GTF2H5: variants seen among roughly 807,000 people sequenced by gnomAD.
GTF2H5 encodes general transcription factor IIH subunit 5.
Under a neutral mutation model 7.1 loss-of-function variants are expected in GTF2H5, and 5 were observed. The observed-to-expected ratio is 0.71, with a 90% CI of 0.37 to 1.49. GTF2H5 has a LOEUF of 1.49. Among genes scored for constraint, GTF2H5 ranks in the 40% most tolerant of loss-of-function variants. The probability of loss-of-function intolerance (pLI) is 0.03; values close to 1 mark genes in which losing one functional copy is unlikely to be tolerated. For missense variants in GTF2H5, 80 were observed against 83.0 expected (o/e 0.96, Z 0.14); for synonymous variants, 30 against 31.7 (o/e 0.95, Z 0.18).
In GTF2H5 at chr6:158,196,245, G is replaced by T. The variant is rs1180008057; in HGVS notation, c.*4088G>T. On this transcript the variant is annotated 3_prime_UTR_variant, in exon 3 of 3. Coordinates refer to ENST00000607778, the MANE Select transcript of GTF2H5 (RefSeq NM_207118.3). The stretch of plus-strand genomic sequence containing the variant: ...TGCAGTGAGCCGAGATCGTGCCACT[G>T]CACTCCAGCCGGGGTGACAGAGCGA... 6.6e-6 allele frequency: 1 copy of T among 152,266 alleles called. No individual in the cohort carries two copies. Among genetic ancestry groups the T allele is most frequent in the Non-Finnish European group, 1.5e-5 (1 of 68,110 alleles). 9.4% of individuals were successfully genotyped at this position (152,266 alleles called of 1,614,324 possible). A position where few individuals can be genotyped will look rare whatever the true frequency, so the allele number is the denominator to read the frequency against.
Position 158,192,905 on chromosome 6 carries a change from C to CAAAAAAAAA in GTF2H5, c.*766_*774dup, listed in dbSNP as rs10625768. On this transcript the variant is annotated 3_prime_UTR_variant, in exon 3 of 3. Coordinates refer to ENST00000607778, the MANE Select transcript of GTF2H5 (RefSeq NM_207118.3). ...CCTGGACAACAGAGAGACCCTGCCT[C>CAAAAAAAAA]AAAAAAAAAAAAAAAAAAAAAAAAA... The CAAAAAAAAA allele has an allele frequency of 6.1e-4, 30 of 49,328 alleles. 1 individual carries two copies. Among genetic ancestry groups the CAAAAAAAAA allele is most frequent in the African/African-American group, 2.3e-3 (29 of 12,640 alleles). 3.1% of individuals were successfully genotyped at this position (49,328 alleles called of 1,614,324 possible).
chr6:158,174,753 C>T (rs776457069), intron 2 of GTF2H5, among the ~76,000 whole-genome samples: 2 of 152,166 alleles, frequency 1.3e-5, no homozygotes, highest in Non-Finnish European at 2.9e-5. Context: ...GATTTGTTGC[C>T]AAGGTGCAAA....
At chr6:158,173,109 T>C (rs1017190358) in intron 2 of GTF2H5, among the ~76,000 whole-genome samples, 1 of 152,228 alleles carries the variant, frequency 6.6e-6, no homozygotes, top group African/African-American at 2.4e-5. Flanking sequence ...CAAAGAATCT[T>C]GTTAAGATGC....
At chr6:158,174,598 C>T (rs1277767945) in intron 2 of GTF2H5, among the ~76,000 whole-genome samples, 1 of 152,212 alleles carries the variant, frequency 6.6e-6, no homozygotes, top group Non-Finnish European at 1.5e-5. Flanking sequence ...CAGGCTCACA[C>T]TAAGTATTCT....
intron 2 of GTF2H5, among the ~76,000 whole-genome samples, chr6:158,177,332 T>G (rs1203662209): frequency 6.6e-6 from 1 of 152,164 alleles, no homozygotes; most frequent in Non-Finnish European, 1.5e-5. Flanking sequence ...GCTCTTTGGC[T>G]CCCTATGTAA....
intron 2 of GTF2H5, among the ~76,000 whole-genome samples, chr6:158,184,283 G>A (rs1349809372): frequency 1.3e-5 from 2 of 152,096 alleles, no homozygotes; most frequent in Non-Finnish European, 2.9e-5. Context: ...GAGCCGCATC[G>A]AATTCCTGTT....
chr6:158,172,534 A>G (rs1285179138), intron 2 of GTF2H5, among the ~76,000 whole-genome samples: 1 of 151,904 alleles, frequency 6.6e-6, no homozygotes. Flanking sequence ...TCTTGACCTC[A>G]TGATCCACCT....
intron 2 of GTF2H5, among the ~76,000 whole-genome samples, chr6:158,182,491 C>T (rs765214838): frequency 7.2e-5 from 11 of 152,294 alleles, no homozygotes; most frequent in Middle Eastern, 6.8e-3. Context: ...GCTCCATTCT[C>T]CTCGTCACTT....
chr6:158,176,335 T>C (rs1785933771), intron 2 of GTF2H5, among the ~76,000 whole-genome samples: 1 of 152,130 alleles, frequency 6.6e-6, no homozygotes, highest in South Asian at 2.1e-4. Flanking sequence ...CAAACGATTC[T>C]CCTGCTTCAG....
intron 2 of GTF2H5, among the ~76,000 whole-genome samples, chr6:158,176,630 G>A (rs988537939): frequency 1.3e-4 from 20 of 152,144 alleles, no homozygotes; most frequent in Non-Finnish European, 2.6e-4. Context: ...AGACCAGCTC[G>A]GTCTGGGAGA....
At chr6:158,175,844 T>C (rs1256561487) in intron 2 of GTF2H5, among the ~76,000 whole-genome samples, 1 of 152,162 alleles carries the variant, frequency 6.6e-6, no homozygotes, top group Non-Finnish European at 1.5e-5. Flanking sequence ...AAGAAATTTG[T>C]TGATTGTGGC....
At chr6:158,180,333 C>G (rs1334112704) in intron 2 of GTF2H5, among the ~76,000 whole-genome samples, 1 of 152,086 alleles carries the variant, frequency 6.6e-6, no homozygotes, top group African/African-American at 2.4e-5. Context: ...CTAAAATTCT[C>G]TTTTTTTGTT....
At chr6:158,169,678 AAT>A (rs1491119103) in intron 1 of GTF2H5, among the ~76,000 whole-genome samples, 6 of 48,856 alleles carry the variant, frequency 1.2e-4, no homozygotes, top group East Asian at 1.3e-3. Flanking sequence ...TATATTATAT[AAT>A]ATATAATATA....
At position 158,198,044 on chromosome 6, in the gene GTF2H5, A is replaced by G. The variant is rs1376180540; in HGVS notation, c.*5887A>G. 6.6e-6 allele frequency: 1 copy of G among 152,212 alleles called. No individual in the cohort carries two copies. Among genetic ancestry groups the G allele is most frequent in the East Asian group, 1.9e-4 (1 of 5,200 alleles). 9.4% of individuals were successfully genotyped at this position (152,212 alleles called of 1,614,324 possible). A position where few individuals can be genotyped will look rare whatever the true frequency, so the allele number is the denominator to read the frequency against. On this transcript the variant is annotated 3_prime_UTR_variant, in exon 3 of 3. Transcript: ENST00000607778. ...CATGAACTTTTTGAAGTCCCCTCAGATATAAAGCAGAACGTTATGAAACTG... is the reference window on the plus strand; with the variant it reads ...CATGAACTTTTTGAAGTCCCCTCAGGTATAAAGCAGAACGTTATGAAACTG...
chr6:158,180,846 TG>T (rs1786000490), intron 2 of GTF2H5, among the ~76,000 whole-genome samples: 2 of 151,464 alleles, frequency 1.3e-5, no homozygotes, highest in Non-Finnish European at 1.5e-5. Context: ...TTTTTTTTTT[TG>T]AAGGGTTTTT....
intron 2 of GTF2H5, among the ~76,000 whole-genome samples, chr6:158,184,681 A>G (rs559802536): frequency 3.8e-4 from 58 of 152,348 alleles, no homozygotes; most frequent in African/African-American, 1.3e-3. Context: ...CCCAGGATAT[A>G]TGGAATTTAT....
chr6:158,182,147 T>C (rs1786019408), intron 2 of GTF2H5, among the ~76,000 whole-genome samples: 1 of 152,226 alleles, frequency 6.6e-6, no homozygotes, highest in Non-Finnish European at 1.5e-5. Context: ...TTAGTTTGGC[T>C]GGATATGAAA....
intron 2 of GTF2H5, among the ~76,000 whole-genome samples, chr6:158,181,540 C>T (rs1263191340): frequency 1.3e-5 from 2 of 152,100 alleles, no homozygotes; most frequent in African/African-American, 4.8e-5. Flanking sequence ...ACTTGCTTTA[C>T]GAATCTGGGT....
intron 2 of GTF2H5, among the ~76,000 whole-genome samples, chr6:158,185,436 A>G (rs1776903387): frequency 6.6e-6 from 1 of 150,576 alleles, no homozygotes. Flanking sequence ...GTTAGTCAGG[A>G]GGCTGAGGTG....
Sources: gnomAD v4.1 joint callset for allele counts (sites outside exome capture counted in the v4.1 genomes callset) on GRCh38, gnomAD v4.1.1 for gene constraint, MANE v1.5 for transcripts, NCBI Gene and HGNC (gene_info 2026-07-23, HGNC 2026-07-21) for gene names.